Variants in NAV1 observed in about 807,000 individuals in gnomAD.
NAV1 encodes the protein neuron navigator 1.
A neutral mutation model predicts 175.2 loss-of-function variants in NAV1; 18 were observed. That is an observed-to-expected ratio of 0.10 (90% CI 0.07 to 0.15). The LOEUF (loss-of-function observed/expected upper bound fraction) is 0.15, where lower values mean the gene tolerates loss of function less well. Among genes scored for constraint, NAV1 ranks in the 10% least tolerant of loss-of-function variants. The pLI, the probability that NAV1 is intolerant of heterozygous loss-of-function variation, is 1.00. For synonymous variants in NAV1, 897 were observed against 978.7 expected, an observed-to-expected ratio of 0.92 and a Z score of 1.56; for missense variants, 1,731 against 2,436.6, an observed-to-expected ratio of 0.71 and a Z score of 6.10.
chr1:201,546,037 T>C (rs1390952093), intron 1 of NAV1, among the ~76,000 whole-genome samples: 3 of 152,212 alleles, frequency 2.0e-5, no homozygotes, highest in Non-Finnish European at 4.4e-5. Flanking sequence ...AATGCCAAGA[T>C]ACCAACTGCT....
At chr1:201,551,184 A>G (rs948568202) in intron 1 of NAV1, among the ~76,000 whole-genome samples, 2 of 151,962 alleles carry the variant, frequency 1.3e-5, no homozygotes, top group African/African-American at 2.4e-5. Context: ...CCTTTCCAAT[A>G]CACTCCAGGG....
upstream of NAV1, among the ~76,000 whole-genome samples, chr1:201,621,314 G>T (rs1318239240): frequency 2.0e-5 from 3 of 149,166 alleles, no homozygotes; most frequent in Non-Finnish European, 4.5e-5. Context: ...CATACTTGTT[G>T]CAAGTTTTCT....
At chr1:201,762,084 C>G (rs1674898953) in intron 3 of NAV1, among the ~76,000 whole-genome samples, 1 of 152,196 alleles carries the variant, frequency 6.6e-6, no homozygotes, top group African/African-American at 2.4e-5. Flanking sequence ...CCCTTGAGCT[C>G]TGGAGCTTGA....
chr1:201,649,124 C>A, exon 1 of NAV1: 1 of 1,612,412 alleles, frequency 6.2e-7, no homozygotes, highest in South Asian at 1.1e-5. Flanking sequence ...CCAAGGGCAG[C>A]CCGGCGGGCG....
chr1:201,643,093 T>TTC (rs1244619489), intron 2 of NAV1, among the ~76,000 whole-genome samples: 5 of 143,856 alleles, frequency 3.5e-5, no homozygotes, highest in African/African-American at 1.5e-4. Flanking sequence ...CTTTCTTTCT[T>TTC]TTTCTCTTTC....
At chr1:201,771,078 G>C (rs1450262009) in intron 3 of NAV1, among the ~76,000 whole-genome samples, 2 of 152,146 alleles carry the variant, frequency 1.3e-5, no homozygotes, top group African/African-American at 4.8e-5. Flanking sequence ...ATGGCATAGA[G>C]AGATCTCTGG....
At chr1:201,623,047 T>C in exon 1 of NAV1, 5 of 985,662 alleles carry the variant, frequency 5.1e-6, no homozygotes, top group Non-Finnish European at 6.0e-6. Context: ...GAGAGCAGCC[T>C]CCCCCAGACT....
intron 3 of NAV1, among the ~76,000 whole-genome samples, chr1:201,730,400 C>G (rs1020793176): frequency 2.6e-5 from 4 of 152,210 alleles, no homozygotes; most frequent in Non-Finnish European, 4.4e-5. Context: ...GGGCACGTTC[C>G]AGTGCACCTA....
At chr1:201,563,803 GT>G (rs900058187) in intron 1 of NAV1, among the ~76,000 whole-genome samples, 2 of 152,078 alleles carry the variant, frequency 1.3e-5, no homozygotes, top group African/African-American at 4.8e-5. Flanking sequence ...TCTTTGGACC[GT>G]AAATTCCTGG....
intron 3 of NAV1, among the ~76,000 whole-genome samples, chr1:201,756,748 T>C (rs1027013463): frequency 1.3e-5 from 2 of 152,252 alleles, no homozygotes; most frequent in African/African-American, 4.8e-5. Context: ...TTTTTATAGT[T>C]CCTTCTCCAG....
At chr1:201,811,750 C>T in exon 25 of NAV1, 1 of 1,604,778 alleles carries the variant, frequency 6.2e-7, no homozygotes, top group Non-Finnish European at 8.5e-7. Context: ...CTGCAAGTAT[C>T]ATAAATGGTA....
At chr1:201,664,605 A>T (rs1434083917) in intron 1 of NAV1, among the ~76,000 whole-genome samples, 2 of 152,230 alleles carry the variant, frequency 1.3e-5, no homozygotes, top group African/African-American at 4.8e-5. Flanking sequence ...GTGGGTTTAT[A>T]GAGGAAGGAG....
At chr1:201,809,629 G>C in intron 22 of NAV1, 92 bp downstream of exon 26, 2 of 1,223,556 alleles carry the variant, frequency 1.6e-6, no homozygotes, top group East Asian at 2.5e-5. Context: ...TGCCACCCAG[G>C]CTGGAGGGCA....
At chr1:201,669,275 AG>A (rs1669946354) in intron 1 of NAV1, among the ~76,000 whole-genome samples, 1 of 152,256 alleles carries the variant, frequency 6.6e-6, no homozygotes, top group Admixed American at 6.5e-5. Flanking sequence ...AGGGAAGTAA[AG>A]GGTGCAAAGA....
At chr1:201,586,876 G>T (rs892199381) in intron 1 of NAV1, among the ~76,000 whole-genome samples, 1 of 152,162 alleles carries the variant, frequency 6.6e-6, no homozygotes, top group Non-Finnish European at 1.5e-5. Context: ...ATACATTTCA[G>T]TTCATAGCAC....
chr1:201,793,674 T>G (rs757738560), intron 13 of NAV1, 118 bp from the exon 18 acceptor site: 3 of 812,724 alleles, frequency 3.7e-6, no homozygotes, highest in Non-Finnish European at 6.0e-6. Context: ...CCAAGAGGTT[T>G]GCTGGCATTG....
exon 1 of NAV1, chr1:201,648,286 C>T (rs1558034694): frequency 9.2e-7 from 1 of 1,090,506 alleles, no homozygotes; most frequent in Non-Finnish European, 1.1e-6. Context: ...GGGCTGGGAT[C>T]CGGACACCAA....
At chr1:201,647,262 C>G (rs374076544), upstream of NAV1, among the ~76,000 whole-genome samples, 3 of 152,322 alleles carry the variant, frequency 2.0e-5, no homozygotes, top group South Asian at 4.1e-4. Flanking sequence ...CCATCTGGCT[C>G]TTGTTCCCCC....
At chr1:201,626,300 C>T (rs761427704) in intron 1 of NAV1, among the ~76,000 whole-genome samples, 4 of 152,242 alleles carry the variant, frequency 2.6e-5, no homozygotes, top group Non-Finnish European at 5.9e-5. Flanking sequence ...CCACCCGCCC[C>T]AGCACCTCAG....
Sources: gnomAD v4.1 joint callset for allele counts (sites outside exome capture counted in the v4.1 genomes callset) on GRCh38, gnomAD v4.1.1 for gene constraint, MANE v1.5 for transcripts, NCBI Gene and HGNC (gene_info 2026-07-23, HGNC 2026-07-21) for gene names.